Variants in SLC8A1 observed in about 807,000 individuals in gnomAD.
SLC8A1 encodes the protein solute carrier family 8 member A1.
In SLC8A1, 18 loss-of-function variants were observed where a neutral mutation model predicts 68.3. The ratio of observed to expected loss-of-function variants is 0.26; its 90% CI spans 0.18 to 0.39. The LOEUF (loss-of-function observed/expected upper bound fraction) is 0.39, where lower values mean the gene tolerates loss of function less well. Among genes scored for constraint, SLC8A1 ranks in the 10% least tolerant of loss-of-function variants. The probability of loss-of-function intolerance (pLI) is 1.00; values close to 1 mark genes in which losing one functional copy is unlikely to be tolerated. For missense variants in SLC8A1, 985 were observed against 1,156.7 expected, an observed-to-expected ratio of 0.85 and a Z score of 2.15; for synonymous variants, 475 against 415.5, an observed-to-expected ratio of 1.14 and a Z score of -1.74.
intron 2 of SLC8A1, among the ~76,000 whole-genome samples, chr2:40,315,681 A>T (rs1266810277): frequency 6.6e-6 from 1 of 152,052 alleles, no homozygotes; most frequent in African/African-American, 2.4e-5. Context: ...CTTGTCTGAA[A>T]TCAAACCTTC....
At chr2:40,440,265 T>C (rs574232998) in intron 1 of SLC8A1, among the ~76,000 whole-genome samples, 1 of 152,280 alleles carries the variant, frequency 6.6e-6, no homozygotes, top group Non-Finnish European at 1.5e-5. Flanking sequence ...TATTGTCTTT[T>C]GGTGACAGAT....
chr2:40,310,188 T>C (rs1385719271), intron 2 of SLC8A1, among the ~76,000 whole-genome samples: 18 of 152,244 alleles, frequency 1.2e-4, no homozygotes, highest in Non-Finnish European at 2.9e-5. Context: ...TTGAAGCTTT[T>C]CTTTTCTTCC....
chr2:40,394,804 C>A (rs1686415107), intron 2 of SLC8A1, among the ~76,000 whole-genome samples: 1 of 152,028 alleles, frequency 6.6e-6, no homozygotes, highest in Non-Finnish European at 1.5e-5. Flanking sequence ...ATCTACCCAT[C>A]ATGCTAGCTT....
At chr2:40,493,334 G>A (rs1350181288) in intron 1 of SLC8A1, among the ~76,000 whole-genome samples, 1 of 134,840 alleles carries the variant, frequency 7.4e-6, no homozygotes, top group Non-Finnish European at 1.6e-5. Flanking sequence ...ATCACTCTCT[G>A]GGGACTGTTG....
At chr2:40,329,288 G>T (rs1285573588) in intron 2 of SLC8A1, among the ~76,000 whole-genome samples, 2 of 152,126 alleles carry the variant, frequency 1.3e-5, no homozygotes, top group Admixed American at 1.3e-4. Context: ...TCCACAATCT[G>T]AAGTACTATT....
intron 1 of SLC8A1, among the ~76,000 whole-genome samples, chr2:40,440,760 A>T (rs1268421249): frequency 6.6e-6 from 1 of 152,196 alleles, no homozygotes; most frequent in Non-Finnish European, 1.5e-5. Context: ...TCAATAAACT[A>T]GGGATTGATG....
intron 2 of SLC8A1, among the ~76,000 whole-genome samples, chr2:40,206,838 G>A (rs563821775): frequency 2.6e-5 from 4 of 152,122 alleles, no homozygotes; most frequent in East Asian, 3.9e-4. Context: ...AGAGCTCGGC[G>A]AAAATGGTTT....
At chr2:40,457,324 G>A (rs897545784) in intron 1 of SLC8A1, among the ~76,000 whole-genome samples, 1 of 152,130 alleles carries the variant, frequency 6.6e-6, no homozygotes, top group African/African-American at 2.4e-5. Flanking sequence ...CAGAAGCAAT[G>A]TCCCTGCGAG....
chr2:40,253,023 G>A (rs936615044), intron 2 of SLC8A1, among the ~76,000 whole-genome samples: 1 of 102,548 alleles, frequency 9.8e-6, no homozygotes, highest in Admixed American at 1.1e-4. Context: ...CTGTATATAT[G>A]TATATACATA....
rs564317197 is a variant in SLC8A1, at chr2:40,211,707, G to C, written c.1809-33852C>G. Among the ~76,000 whole-genome samples, 209 of 152,306 alleles carry C rather than the reference G, an allele frequency of 1.4e-3. No homozygotes were observed. The Middle Eastern group carries it at 0.024, about 17-fold the overall frequency. ...TATCAGGGCCAAAAAAGAACTTCTGGAAATCTGGACTTGGACAAAATCAGT... is the reference window on the plus strand; with the variant it reads ...TATCAGGGCCAAAAAAGAACTTCTGCAAATCTGGACTTGGACAAAATCAGT... On this transcript the variant is annotated intron_variant, in intron 2 of 7. Coordinates refer to ENST00000406785, the Ensembl canonical transcript of SLC8A1.
chr2:40,437,727 TC>T (rs1371535357), intron 1 of SLC8A1, among the ~76,000 whole-genome samples: 2 of 152,088 alleles, frequency 1.3e-5, no homozygotes, highest in South Asian at 2.1e-4. Flanking sequence ...GGGTCATTTT[TC>T]TTAACATCTT....
At chr2:40,479,077 C>T (rs947056583) in intron 1 of SLC8A1, among the ~76,000 whole-genome samples, 3 of 152,126 alleles carry the variant, frequency 2.0e-5, no homozygotes, top group Non-Finnish European at 4.4e-5. Context: ...CGGCCTCAAC[C>T]ACCTAATTTT....
At position 40,253,183 on chromosome 2, in the gene SLC8A1, A is replaced by G. The variant is rs556076830; in HGVS notation, c.1809-75328T>C. On this transcript the variant is annotated intron_variant, in intron 2 of 7. Coordinates refer to ENST00000406785, the Ensembl canonical transcript of SLC8A1. ...TATATGTATATACACACAAATATAC[A>G]TATATACACGTATATGTATACACAT... Among the ~76,000 whole-genome samples, 7 of 134,904 alleles carry G rather than the reference A, an allele frequency of 5.2e-5. No homozygotes were observed. In the East Asian group the frequency reaches 1.3e-3, roughly 24 times the overall value. 88.5% of individuals were successfully genotyped at this position (134,904 alleles called of 152,430 possible).
At chr2:40,361,905 T>C (rs1674750942) in intron 2 of SLC8A1, among the ~76,000 whole-genome samples, 1 of 125,400 alleles carries the variant, frequency 8.0e-6, no homozygotes, top group African/African-American at 3.0e-5. Flanking sequence ...TTTTTTTTTT[T>C]TTTTTTTTTT....
At chr2:40,386,786 G>A (rs1683701046) in intron 2 of SLC8A1, among the ~76,000 whole-genome samples, 1 of 150,956 alleles carries the variant, frequency 6.6e-6, no homozygotes, top group African/African-American at 2.5e-5. Flanking sequence ...TAAGCAAACA[G>A]GCCAGTTTTC....
At chr2:40,106,753 T>G (rs2034222629) in exon 8 of SLC8A1, 3 of 152,236 alleles carry the variant, frequency 2.0e-5, no homozygotes, top group Admixed American at 1.3e-4. Flanking sequence ...TTGCTTAGAT[T>G]CAATGCTACA....
chr2:40,168,680 T>A (rs1413476151), intron 4 of SLC8A1, among the ~76,000 whole-genome samples: 1 of 152,236 alleles, frequency 6.6e-6, no homozygotes, highest in Admixed American at 6.5e-5. Flanking sequence ...TTTCCTTTTC[T>A]CTTGGAGCAT....
At chr2:40,127,337 C>G (rs2373794) in intron 7 of SLC8A1, among the ~76,000 whole-genome samples, 98,026 of 151,954 alleles carry the variant, frequency 0.65, 32,914 homozygotes, top group East Asian at 0.81. Context: ...ACAGACTAAA[C>G]GGCAGGAAGC....
chr2:40,226,977 TA>T (rs2059058348), intron 2 of SLC8A1, among the ~76,000 whole-genome samples: 1 of 152,070 alleles, frequency 6.6e-6, no homozygotes, highest in Non-Finnish European at 1.5e-5. Flanking sequence ...TGATCACAAC[TA>T]AGAGACATTT....
Sources: gnomAD v4.1 joint callset for allele counts (sites outside exome capture counted in the v4.1 genomes callset) on GRCh38, gnomAD v4.1.1 for gene constraint, MANE v1.5 for transcripts, NCBI Gene and HGNC (gene_info 2026-07-23, HGNC 2026-07-21) for gene names.